The following MID1 variants were observed in gnomAD, a reference collection of about 807,000 sequenced individuals.
MID1 encodes the protein E3 ubiquitin-protein ligase Midline-1.
MID1 carries 7 observed loss-of-function variants against 40.4 expected under a neutral mutation model. The observed-to-expected ratio is 0.17, with a 90% CI of 0.10 to 0.33. The LOEUF (loss-of-function observed/expected upper bound fraction) is 0.33. Among genes scored for constraint, MID1 ranks in the 10% least tolerant of loss-of-function variants. The probability of loss-of-function intolerance (pLI) is 1.00; values close to 1 mark genes in which losing one functional copy is unlikely to be tolerated. For synonymous variants in MID1, 229 were observed against 221.2 expected (o/e 1.04, Z -0.31); for missense variants, 367 against 558.5 (o/e 0.66, Z 3.46).
At chrX:10,735,281 T>C (rs1425174844) in intron 1 of MID1, among the ~76,000 whole-genome samples, 1 of 111,521 alleles carries the variant, frequency 9.0e-6, no homozygotes, top group Non-Finnish European at 1.9e-5. Flanking sequence ...TTTGTATTTT[T>C]AGTAAAGATG....
intron 1 of MID1, among the ~76,000 whole-genome samples, chrX:10,735,097 G>A (rs904057545): frequency 9.0e-6 from 1 of 111,502 alleles, no homozygotes; most frequent in Non-Finnish European, 1.9e-5. Flanking sequence ...GACATAATAG[G>A]GATTTTTATT....
At chrX:10,598,995 G>A (rs916003010) in intron 1 of MID1, among the ~76,000 whole-genome samples, 48 of 111,880 alleles carry the variant, frequency 4.3e-4, no homozygotes, top group African/African-American at 1.6e-3. Flanking sequence ...TGACGGGGGG[G>A]ATCCTGGCAA....
At chrX:10,816,574 C>T (rs1187483838) in intron 1 of MID1, among the ~76,000 whole-genome samples, 4 of 111,460 alleles carry the variant, frequency 3.6e-5, no homozygotes, top group African/African-American at 9.8e-5. Context: ...GCTGGGTTCC[C>T]GAAGATTTTC....
intron 1 of MID1, among the ~76,000 whole-genome samples, chrX:10,732,770 G>T (rs1273307338): frequency 9.0e-6 from 1 of 111,353 alleles, no homozygotes; most frequent in Non-Finnish European, 1.9e-5. Context: ...ATTTATTTTT[G>T]GCTTAAGGAC....
chrX:10,589,688 G>A (rs1475357986), intron 1 of MID1: 3 of 110,574 alleles, frequency 2.7e-5, no homozygotes, highest in East Asian at 2.9e-4. Flanking sequence ...CTGGCGAGGC[G>A]TCCCACCTGG....
intron 1 of MID1, among the ~76,000 whole-genome samples, chrX:10,722,764 C>T (rs1339739296): frequency 8.9e-6 from 1 of 111,933 alleles, no homozygotes; most frequent in Non-Finnish European, 1.9e-5. Flanking sequence ...GGGCAGAATC[C>T]TCTCTTGCAA....
upstream of MID1, among the ~76,000 whole-genome samples, chrX:10,624,736 G>A (rs187502250): frequency 1.8e-5 from 2 of 111,900 alleles, no homozygotes; most frequent in East Asian, 5.6e-4. Flanking sequence ...TCAGCCTCCT[G>A]AGTAGCTGGC....
intron 1 of MID1, among the ~76,000 whole-genome samples, chrX:10,682,969 G>A (rs900729769): frequency 3.6e-5 from 4 of 111,270 alleles, no homozygotes; most frequent in East Asian, 2.8e-4. Flanking sequence ...CTGAAATAAT[G>A]AGAGTCATTT....
chrX:10,567,491 G>A lies in MID1; in HGVS notation c.57C>T (p.Asp19=). ...TCPICLELFE[D]PLLLPCAHSL... ...TGTGTGCGCAGGGCAGTAGAAGAGG[G>A]TCCTCAAAGAGCTCCAGACAAATAG... Residue 19 remains aspartate (D), a synonymous_variant, in exon 2 of 10, where the codon GAC becomes GAT. Coordinates refer to ENST00000317552, the MANE Select transcript of MID1 (RefSeq NM_000381.4). 8.3e-7 allele frequency: 1 copy of A among 1,211,449 alleles called. No homozygotes were observed. Among genetic ancestry groups the A allele is most frequent in the Non-Finnish European group, 1.1e-6 (1 of 895,369 alleles).
intron 2 of MID1, among the ~76,000 whole-genome samples, chrX:10,542,310 C>T (rs1230973245): frequency 9.0e-6 from 1 of 111,584 alleles, no homozygotes; most frequent in African/African-American, 3.3e-5. Context: ...AACATTTGCT[C>T]ATTGCTACTA....
At chrX:10,753,813 C>A (rs1231002734) in intron 1 of MID1, among the ~76,000 whole-genome samples, 1 of 112,008 alleles carries the variant, frequency 8.9e-6, no homozygotes, top group East Asian at 2.8e-4. Context: ...AGGTGGCAAA[C>A]TGGATGCTAA....
In MID1 at chrX:10,790,281, A is replaced by G. The variant is rs1227343183; in HGVS notation, c.-187+43273T>C. Among the ~76,000 whole-genome samples the G allele has an allele frequency of 3.6e-5, 4 of 109,700 alleles. No individual in the cohort carries two copies. The East Asian group carries it at 1.1e-3, about 31-fold the overall frequency. On this transcript the variant is annotated intron_variant, in intron 1 of 10. Transcript: ENST00000380785. ...AGACTTAGCCTCCCAAGTAGCTGGG[A>G]CTATGGGTCCCACCACGCCCAGGTA...
intron 1 of MID1, among the ~76,000 whole-genome samples, chrX:10,813,124 T>G (rs2044113319): frequency 9.1e-6 from 1 of 109,905 alleles, no homozygotes; most frequent in African/African-American, 3.3e-5. Flanking sequence ...AGGAGAGGTC[T>G]AGGCAGCAGG....
intron 1 of MID1, among the ~76,000 whole-genome samples, chrX:10,746,693 C>T (rs1032903120): frequency 9.0e-6 from 1 of 110,711 alleles, no homozygotes; most frequent in Non-Finnish European, 1.9e-5. Flanking sequence ...AGGGGCAAAA[C>T]CTGTTCCTCC....
At chrX:10,452,289 C>T (rs975553306) in intron 9 of MID1, among the ~76,000 whole-genome samples, 7 of 111,705 alleles carry the variant, frequency 6.3e-5, no homozygotes, top group African/African-American at 1.6e-4. Context: ...TAGTTAACAC[C>T]ATTTCATAAA....
intron 1 of MID1, among the ~76,000 whole-genome samples, chrX:10,785,783 G>C (rs1166475349): frequency 0.046 from 5,168 of 111,636 alleles, 276 homozygotes; most frequent in African/African-American, 0.16. Flanking sequence ...GCTGAAACTG[G>C]ATCCCTTCCT....
intron 1 of MID1, among the ~76,000 whole-genome samples, chrX:10,693,280 G>A (rs192624565): frequency 3.3e-4 from 34 of 102,145 alleles, no homozygotes; most frequent in African/African-American, 1.2e-3. Flanking sequence ...CTGCAGCCTC[G>A]ACCTCTTGGG....
At chrX:10,693,963 G>A (rs781771551) in intron 1 of MID1, among the ~76,000 whole-genome samples, 94 of 112,391 alleles carry the variant, frequency 8.4e-4, no homozygotes, top group Non-Finnish European at 1.5e-3. Flanking sequence ...GTTCCTTGGG[G>A]ACTCACTCAG....
chrX:10,657,849 G>T (rs757353076), intron 1 of MID1, among the ~76,000 whole-genome samples: 1 of 112,251 alleles, frequency 8.9e-6, no homozygotes, highest in East Asian at 2.8e-4. Flanking sequence ...CTAAAGCACA[G>T]AGTTTAAATT....
Sources: allele counts gnomAD v4.1 joint callset (sites outside exome capture counted in the v4.1 genomes callset), GRCh38; gene constraint gnomAD v4.1.1; transcripts MANE v1.5; gene names NCBI Gene and HGNC (gene_info 2026-07-23, HGNC 2026-07-21).